Variants in ATP2B1 observed in about 807,000 individuals in gnomAD.
ATP2B1 encodes ATPase plasma membrane Ca2+ transporting 1, also known as plasma membrane calcium-transporting ATPase 1.
A neutral mutation model predicts 124.2 loss-of-function variants in ATP2B1; 14 were observed. The observed-to-expected ratio is 0.11, with a 90% CI of 0.07 to 0.18. The LOEUF is 0.18. Among genes scored for constraint, ATP2B1 ranks in the 10% least tolerant of loss-of-function variants. ATP2B1 has a pLI of 1.00. For synonymous variants in ATP2B1, 449 were observed against 492.4 expected (o/e 0.91, Z 1.17); for missense variants, 763 against 1,466.1 (o/e 0.52, Z 7.83).
chr12:89,650,116 T>C lies in ATP2B1; in HGVS notation c.208+5563A>G, dbSNP rs144579892. Among the ~76,000 whole-genome samples the C allele has an allele frequency of 2.5e-3, 380 of 152,328 alleles. 3 individuals carry two copies. The highest frequency in any genetic ancestry group is 8.7e-3 in the African/African-American group (362 of 41,580). Reference sequence around the variant, plus strand: ...AATTACCCTGCCTCAGGTATTTCTTTATAGCAGTGCGCAAACGGAGTAACA... The same window carrying C: ...AATTACCCTGCCTCAGGTATTTCTTCATAGCAGTGCGCAAACGGAGTAACA... On this transcript the variant is annotated intron_variant, in intron 2 of 20. Transcript: ENST00000428670.
At position 89,680,350 on chromosome 12, in the gene ATP2B1, C is replaced by G. The variant is rs535932679; in HGVS notation, c.-221-24243G>C. On this transcript the variant is annotated intron_variant, in intron 1 of 20. Transcript: ENST00000428670. ...CAAAAATCACCTGGAACCAAAAATT[C>G]AAAAACTAAAAAGAGAGATGAACAC... 7.9e-5 allele frequency among the ~76,000 whole-genome samples: 12 copies of G among 152,074 alleles called. No homozygotes were observed. The South Asian group carries it at 2.5e-3, about 32-fold the overall frequency.
chr12:89,676,454 T>C (rs956937788), intron 1 of ATP2B1, among the ~76,000 whole-genome samples: 1 of 152,036 alleles, frequency 6.6e-6, no homozygotes, highest in African/African-American at 2.4e-5. Context: ...GCTACACATA[T>C]ATATAATATG....
At position 89,591,174 on chromosome 12, in the gene ATP2B1, T is replaced by C. The variant is rs769105123; in HGVS notation, c.3473A>G (p.His1158Arg). 1.2e-6 allele frequency: 2 copies of C among 1,613,334 alleles called. No homozygotes were observed. Among genetic ancestry groups the C allele is most frequent in the East Asian group, 2.2e-5 (1 of 44,862 alleles). Residue 1158 changes from histidine (H) to arginine (R), a missense_variant, in exon 21 of 21, where the codon CAT becomes CGT. Around this residue, in one of 7 missense-constraint regions of ATP2B1, gnomAD observed 97 missense variants for 94.7 expected, o/e 1.02. Coordinates refer to ENST00000428670, the MANE Select transcript of ATP2B1 (RefSeq NM_001366521.1). ...PEFRIEDSEP[H>R]IPLIDDTDAE... ...ATCAGTGTCATCAATAAGGGGGATA[T>C]GAGGCTCTGAATCTTCTATCCTAAA...
At chr12:89,654,112 C>A (rs1354846550) in intron 2 of ATP2B1, among the ~76,000 whole-genome samples, 1 of 152,174 alleles carries the variant, frequency 6.6e-6, no homozygotes, top group Non-Finnish European at 1.5e-5. Flanking sequence ...TACTAATGTA[C>A]AAATCTCTAA....
chr12:89,679,440 T>A (rs1592955866), intron 1 of ATP2B1, among the ~76,000 whole-genome samples: 1 of 152,180 alleles, frequency 6.6e-6, no homozygotes, highest in South Asian at 2.1e-4. Context: ...GGACCAAGAC[T>A]TAATCTTGAT....
At position 89,627,084 on chromosome 12, in the gene ATP2B1, C is replaced by T. The variant is rs145292124; in HGVS notation, c.968-469G>A. The stretch of plus-strand genomic sequence containing the variant: ...TTGCTACTAACTATATAATAACCAG[C>T]GTTCAAATACTTGAAATACTTAAGT... On this transcript the variant is annotated intron_variant, in intron 7 of 20. Transcript: ENST00000428670. Among the ~76,000 whole-genome samples, 919 of 152,144 alleles carry T rather than the reference C, an allele frequency of 6.0e-3. 14 individuals are homozygous for T. The highest frequency in any genetic ancestry group is 0.021 in the African/African-American group (891 of 41,530).
chr12:89,695,863 T>C (rs1039799571), intron 1 of ATP2B1, among the ~76,000 whole-genome samples: 15 of 152,198 alleles, frequency 9.9e-5, no homozygotes, highest in African/African-American at 3.6e-4. Context: ...ATATTTCCAA[T>C]CTTTGTGTCA....
At chr12:89,683,906 T>C (rs896581845) in intron 1 of ATP2B1, among the ~76,000 whole-genome samples, 8 of 152,190 alleles carry the variant, frequency 5.3e-5, no homozygotes, top group African/African-American at 1.9e-4. Flanking sequence ...AAGTTTTTCA[T>C]TGCAGCATTA....
rs574524425 is a variant in ATP2B1 at position 89,602,090 on chromosome 12, T to C, written c.3061-657A>G. ...TAAATTCATAATACAGTGCTTATGT[T>C]TTGCTTGTTATTCTAAAAGGCCTAA... is the stretch of plus-strand genomic sequence containing the variant. On this transcript the variant is annotated intron_variant, in intron 18 of 20. Transcript: ENST00000428670. Among the ~76,000 whole-genome samples, 5 of 152,310 alleles carry C rather than the reference T, an allele frequency of 3.3e-5. No homozygotes were observed. The East Asian group carries it at 9.6e-4, about 29-fold the overall frequency.
chr12:89,681,532 C>T (rs1005588068), intron 1 of ATP2B1, among the ~76,000 whole-genome samples: 2 of 152,042 alleles, frequency 1.3e-5, no homozygotes, highest in Non-Finnish European at 2.9e-5. Context: ...AGACGTGTAC[C>T]ACCACGCCCA....
intron 5 of ATP2B1, among the ~76,000 whole-genome samples, chr12:89,632,830 A>T (rs1184942237): frequency 6.6e-6 from 1 of 152,204 alleles, no homozygotes; most frequent in East Asian, 1.9e-4. Flanking sequence ...TTAAATGTGG[A>T]AAATTTATAG....
At chr12:89,678,332 T>C (rs1228715853) in intron 1 of ATP2B1, among the ~76,000 whole-genome samples, 1 of 152,142 alleles carries the variant, frequency 6.6e-6, no homozygotes, top group Non-Finnish European at 1.5e-5. Context: ...TCATGTTTTC[T>C]TCTTGTGGGT....
At chr12:89,600,973 A>C (rs1271294367) in intron 19 of ATP2B1, among the ~76,000 whole-genome samples, 3 of 152,172 alleles carry the variant, frequency 2.0e-5, no homozygotes, top group Non-Finnish European at 2.9e-5. Context: ...TTGTTGTAAA[A>C]AATTTTTTTC....
At chr12:89,599,573 T>C (rs562567468) in intron 19 of ATP2B1, among the ~76,000 whole-genome samples, 3 of 152,298 alleles carry the variant, frequency 2.0e-5, no homozygotes, top group Non-Finnish European at 4.4e-5. Flanking sequence ...TTCAAGACAG[T>C]ACATTGTAAA....
chr12:89,609,909 T>C (rs775317441), intron 15 of ATP2B1, 28 bp downstream of exon 15: 23 of 1,592,828 alleles, frequency 1.4e-5, no homozygotes, highest in South Asian at 7.8e-5. Context: ...TAAATTACGT[T>C]TGGATATTTG....
intron 15 of ATP2B1, among the ~76,000 whole-genome samples, chr12:89,604,958 G>A (rs906250323): frequency 6.6e-6 from 1 of 152,102 alleles, no homozygotes; most frequent in African/African-American, 2.4e-5. Context: ...TACTGAAGAC[G>A]CATTTAGAAG....
At chr12:89,657,589 ATGTCTG>A (rs1886111103) in intron 1 of ATP2B1, among the ~76,000 whole-genome samples, 1 of 152,238 alleles carries the variant, frequency 6.6e-6, no homozygotes, top group Admixed American at 6.5e-5. Flanking sequence ...TGCTATGAAG[ATGTCTG>A]TACATCATGG....
At chr12:89,656,421 T>C (rs1371168138) in intron 1 of ATP2B1, among the ~76,000 whole-genome samples, 1 of 152,210 alleles carries the variant, frequency 6.6e-6, no homozygotes, top group Non-Finnish European at 1.5e-5. Context: ...TTAAATTCAT[T>C]CTCTCACTTA....
chr12:89,650,515 G>T (rs1885106614), intron 2 of ATP2B1, among the ~76,000 whole-genome samples: 1 of 152,156 alleles, frequency 6.6e-6, no homozygotes, highest in Non-Finnish European at 1.5e-5. Context: ...TGGGTTTTGT[G>T]TGTTTTGGGC....
Sources: allele counts gnomAD v4.1 joint callset (sites outside exome capture counted in the v4.1 genomes callset), GRCh38; gene constraint gnomAD v4.1.1; regional missense constraint gnomAD v4.1.1; transcripts MANE v1.5; gene names NCBI Gene and HGNC (gene_info 2026-07-23, HGNC 2026-07-21).